The following TMEM74 variants were observed in gnomAD, a reference collection of about 807,000 sequenced individuals.
The protein encoded by TMEM74 is transmembrane protein 74.
In TMEM74, 13 loss-of-function variants were observed where a neutral mutation model predicts 18.1. The observed-to-expected ratio is 0.72, with a 90% CI of 0.47 to 1.14. The LOEUF (loss-of-function observed/expected upper bound fraction) is 1.14, where lower values mean the gene tolerates loss of function less well. TMEM74 is among the 50% of genes most tolerant of loss of function. The pLI is 0.00. For synonymous variants in TMEM74, 159 were observed against 146.6 expected (o/e 1.08, Z -0.61); for missense variants, 372 against 375.9 (o/e 0.99, Z 0.09).
At chr8:108,677,656 A>G (rs1442266505) in intron 1 of TMEM74, among the ~76,000 whole-genome samples, 2 of 151,998 alleles carry the variant, frequency 1.3e-5, no homozygotes, top group South Asian at 2.1e-4. Context: ...AACTCCAGCT[A>G]TGTTTCCACC....
At chr8:108,673,419 G>A (rs1813022778) in intron 1 of TMEM74, among the ~76,000 whole-genome samples, 1 of 152,186 alleles carries the variant, frequency 6.6e-6, no homozygotes, top group South Asian at 2.1e-4. Context: ...TACATTGGAA[G>A]CATATTGGCA....
At chr8:108,711,378 A>G (rs1365922346) in intron 1 of TMEM74, among the ~76,000 whole-genome samples, 1 of 152,164 alleles carries the variant, frequency 6.6e-6, no homozygotes, top group African/African-American at 2.4e-5. Flanking sequence ...TTTTATTCCA[A>G]AACACTCTCC....
intron 1 of TMEM74, among the ~76,000 whole-genome samples, chr8:108,698,205 A>G (rs1813300416): frequency 6.6e-6 from 1 of 152,212 alleles, no homozygotes; most frequent in Admixed American, 6.5e-5. Flanking sequence ...AAATTCAGTT[A>G]CTTTTATAAG....
intron 1 of TMEM74, among the ~76,000 whole-genome samples, chr8:108,738,599 C>A (rs1253859257): frequency 1.3e-5 from 2 of 152,050 alleles, no homozygotes; most frequent in African/African-American, 4.8e-5. Flanking sequence ...CATGGTGATA[C>A]AATGAAGTGA....
chr8:108,787,048 T>TC (rs1814394406), intron 1 of TMEM74, among the ~76,000 whole-genome samples: 1 of 152,136 alleles, frequency 6.6e-6, no homozygotes, highest in African/African-American at 2.4e-5. Context: ...ACTCTTTTCT[T>TC]CCGTCCTCTC....
intron 2 of TMEM74, among the ~76,000 whole-genome samples, chr8:108,640,493 A>T (rs1812653048): frequency 6.6e-6 from 1 of 152,094 alleles, no homozygotes; most frequent in Admixed American, 6.6e-5. Context: ...TATTTTGATT[A>T]TATGTTTAAA....
chr8:108,746,132 C>T (rs1813846439), intron 1 of TMEM74, among the ~76,000 whole-genome samples: 1 of 152,102 alleles, frequency 6.6e-6, no homozygotes, highest in South Asian at 2.1e-4. Context: ...CGTCCTGCTT[C>T]AACTCCAAAC....
chr8:108,784,459 T>C lies in TMEM74; in HGVS notation c.640A>G (p.Met214Val). ...GCACTCTCCTTCTCCAGGCGCTCCATCTCCCGGGCTGCCACAGTGTTGGGG... is the reference window on the plus strand; with the variant it reads ...GCACTCTCCTTCTCCAGGCGCTCCACCTCCCGGGCTGCCACAGTGTTGGGG... ...VDPNTVAARE[M>V]ERLEKESARL... The change falls in exon 2 of 2, where the codon ATG becomes GTG. Residue 214 changes from methionine (M) to valine (V), a missense_variant. Physicochemically the swap from Met to Val is conservative, Grantham distance 21. Coordinates refer to ENST00000297459, the MANE Select transcript of TMEM74 (RefSeq NM_153015.3). 1 of 1,614,094 alleles carries C rather than the reference T, an allele frequency of 6.2e-7. No homozygotes were observed. Among genetic ancestry groups the C allele is most frequent in the Non-Finnish European group, 8.5e-7 (1 of 1,180,026 alleles).
chr8:108,690,389 G>GT (rs1424940442), intron 1 of TMEM74, among the ~76,000 whole-genome samples: 2 of 147,270 alleles, frequency 1.4e-5, no homozygotes, highest in African/African-American at 2.5e-5. Flanking sequence ...TTTTTTGTTT[G>GT]TTTTTTTTTA....
At chr8:108,612,352 T>C (rs1812342419) in intron 2 of TMEM74, among the ~76,000 whole-genome samples, 1 of 152,162 alleles carries the variant, frequency 6.6e-6, no homozygotes, top group African/African-American at 2.4e-5. Flanking sequence ...AAATAATATT[T>C]AACATAATTT....
At chr8:108,767,377 C>A (rs931353695) in intron 1 of TMEM74, among the ~76,000 whole-genome samples, 1 of 152,150 alleles carries the variant, frequency 6.6e-6, no homozygotes, top group Admixed American at 6.6e-5. Flanking sequence ...CAAAAAGCAA[C>A]CTACTTGAGC....
intron 1 of TMEM74, among the ~76,000 whole-genome samples, chr8:108,692,612 A>G (rs1813242025): frequency 1.3e-5 from 2 of 152,330 alleles, no homozygotes; most frequent in African/African-American, 2.4e-5. Flanking sequence ...AATGACCTAT[A>G]TGATACCACT....
intron 1 of TMEM74, among the ~76,000 whole-genome samples, chr8:108,747,549 C>T (rs1271688578): frequency 6.6e-6 from 1 of 152,030 alleles, no homozygotes; most frequent in African/African-American, 2.4e-5. Context: ...CTCTCTCTCT[C>T]TCTCTCTTTT....
At chr8:108,786,883 G>A (rs1586299107) in intron 1 of TMEM74, among the ~76,000 whole-genome samples, 1 of 152,092 alleles carries the variant, frequency 6.6e-6, no homozygotes, top group African/African-American at 2.4e-5. Context: ...ATTCCCTACG[G>A]CCGCCTCTAC....
intron 2 of TMEM74, among the ~76,000 whole-genome samples, chr8:108,609,645 A>T (rs138153272): frequency 3.5e-4 from 53 of 152,266 alleles, no homozygotes; most frequent in African/African-American, 1.2e-3. Flanking sequence ...AAGAAAAAAA[A>T]ATTCAGAAGC....
intron 1 of TMEM74, among the ~76,000 whole-genome samples, chr8:108,710,640 G>T (rs537229245): frequency 6.6e-6 from 1 of 152,118 alleles, no homozygotes; most frequent in Non-Finnish European, 1.5e-5. Context: ...TACACTGTTC[G>T]CCTTGTCTCA....
intron 1 of TMEM74, among the ~76,000 whole-genome samples, chr8:108,748,264 G>C (rs780788772): frequency 9.2e-5 from 14 of 152,084 alleles, no homozygotes; most frequent in Non-Finnish European, 1.8e-4. Flanking sequence ...ATTCTGACTG[G>C]CATGAGACGG....
At chr8:108,658,364 G>A (rs1484937220) in intron 1 of TMEM74, among the ~76,000 whole-genome samples, 1 of 151,956 alleles carries the variant, frequency 6.6e-6, no homozygotes, top group Non-Finnish European at 1.5e-5. Context: ...TATTATATTT[G>A]CTTTCTTTTA....
chr8:108,769,503 G>A (rs562615706), intron 1 of TMEM74, among the ~76,000 whole-genome samples: 1 of 152,168 alleles, frequency 6.6e-6, no homozygotes, highest in South Asian at 2.1e-4. Flanking sequence ...CTAGTTGCCT[G>A]TGCCCGACCC....
Sources: gnomAD v4.1 joint callset for allele counts (sites outside exome capture counted in the v4.1 genomes callset) on GRCh38, gnomAD v4.1.1 for gene constraint, MANE v1.5 for transcripts, NCBI Gene and HGNC (gene_info 2026-07-23, HGNC 2026-07-21) for gene names.